The following GCA variants were observed in gnomAD, a reference collection of about 807,000 sequenced individuals.
The protein encoded by GCA is grancalcin.
In GCA, 30 loss-of-function variants were observed where a neutral mutation model predicts 32.6. The observed-to-expected ratio is 0.92, with a 90% confidence interval of 0.69 to 1.25. GCA has a LOEUF of 1.25. GCA is among the 50% of genes most tolerant of loss of function. The pLI is 0.00. For missense variants in GCA, 291 were observed against 266.8 expected, an observed-to-expected ratio of 1.09 and a Z score of -0.63; for synonymous variants, 102 against 84.6, an observed-to-expected ratio of 1.21 and a Z score of -1.13.
At chr2:162,331,456 C>T (rs1684080920) in intron 1 of GCA, among the ~76,000 whole-genome samples, 1 of 152,142 alleles carries the variant, frequency 6.6e-6, no homozygotes, top group Non-Finnish European at 1.5e-5. Context: ...AGATATCATC[C>T]CCAATGCAAC....
intron 1 of GCA, among the ~76,000 whole-genome samples, chr2:162,328,255 G>T (rs1478708307): frequency 6.6e-6 from 1 of 151,720 alleles, no homozygotes; most frequent in Non-Finnish European, 1.5e-5. Flanking sequence ...AGCCGAGAAT[G>T]GTGGCATGTG....
chr2:162,359,952 C>T (rs909105791), intron 7 of GCA, among the ~76,000 whole-genome samples: 1 of 151,062 alleles, frequency 6.6e-6, no homozygotes, highest in Non-Finnish European at 1.5e-5. Context: ...TTACTATTAA[C>T]CTGATATTCA....
rs1365944394 is a variant in GCA, at chr2:162,361,416, C to G, written c.*1173C>G. The stretch of plus-strand genomic sequence containing the variant: ...AAGATTTAATAAACCACTTATTTTT[C>G]TTATGCTTTAAATGTGTATTTTCTA... On this transcript the variant is annotated 3_prime_UTR_variant, in exon 8 of 8. Transcript: ENST00000437150. The G allele has an allele frequency of 1.0e-6, 1 of 979,166 alleles. No homozygotes were observed. The highest frequency in any genetic ancestry group is 1.2e-6 in the Non-Finnish European group (1 of 824,616). The allele number at this position is 979,166 out of a possible 1,614,324, so 60.7% of individuals were successfully genotyped here.
chr2:162,354,642 T>C (rs149245764), intron 3 of GCA, among the ~76,000 whole-genome samples: 4 of 152,314 alleles, frequency 2.6e-5, no homozygotes, highest in Non-Finnish European at 5.9e-5. Flanking sequence ...GCCAATTCTT[T>C]GGCATTTGGG....
chr2:162,328,239 A>T (rs1205515477), intron 1 of GCA, among the ~76,000 whole-genome samples: 3 of 151,522 alleles, frequency 2.0e-5, no homozygotes, highest in Non-Finnish European at 4.4e-5. Context: ...AAAAAAAAAA[A>T]AAATTAGCCG....
exon 1 of GCA, chr2:162,319,206 G>A (rs1438463638): frequency 2.2e-6 from 1 of 457,038 alleles, no homozygotes; most frequent in African/African-American, 2.0e-5. Flanking sequence ...ACACTAACTT[G>A]TTTCCCTGGG....
rs368636059 is a variant in GCA, at chr2:162,327,062, C to T, written c.-31+7837C>T. Among the ~76,000 whole-genome samples, 5 of 152,248 alleles carry T rather than the reference C, an allele frequency of 3.3e-5. No individual in the cohort carries two copies. In the South Asian group the frequency reaches 8.3e-4, roughly 25 times the overall value. ...TTGAGTTCCCTGGGCCTGTTTATTC[C>T]AGGAACCATGGCCTCCTTCTGTGGG... On this transcript the variant is annotated intron_variant, in intron 1 of 4. Coordinates refer to the GCA transcript ENST00000429691.
chr2:162,372,195 A>T, downstream of GCA: 1 of 992,602 alleles, frequency 1.0e-6, no homozygotes, highest in South Asian at 1.7e-5. Context: ...TTCCTCATTA[A>T]TCTATATTTG....
At chr2:162,333,476 T>C (rs1223300781) in intron 1 of GCA, among the ~76,000 whole-genome samples, 1 of 152,116 alleles carries the variant, frequency 6.6e-6, no homozygotes, top group Non-Finnish European at 1.5e-5. Context: ...TTAGCAGCTT[T>C]GGGGAGCTTG....
intron 3 of GCA, among the ~76,000 whole-genome samples, chr2:162,355,059 T>C (rs1333830172): frequency 6.6e-6 from 1 of 152,196 alleles, no homozygotes; most frequent in East Asian, 1.9e-4. Flanking sequence ...TAGATATTAT[T>C]TACTTGCCCA....
intron 5 of GCA, among the ~76,000 whole-genome samples, chr2:162,357,884 A>G (rs1685364117): frequency 1.3e-5 from 2 of 151,672 alleles, no homozygotes; most frequent in African/African-American, 2.4e-5. Context: ...CTTCATGTAT[A>G]TTTTAAAATA....
chr2:162,344,025 A>T (rs1411844972), upstream of GCA: 8 of 595,058 alleles, frequency 1.3e-5, no homozygotes, highest in Admixed American at 2.3e-4. Flanking sequence ...GAAGGGGCGG[A>T]CTGCAGCTGA....
In GCA at chr2:162,361,764, TTAAC is replaced by T; in HGVS notation, c.*1523_*1526del. On this transcript the variant is annotated 3_prime_UTR_variant, in exon 8 of 8. Coordinates refer to ENST00000437150, the MANE Select transcript of GCA (RefSeq NM_012198.5). ...ATATATTTGATAATGTGAGAGGACA[TTAAC>T]TGAGCTGGGAAATTAAAGAAACAGA... is the stretch of plus-strand genomic sequence containing the variant. 3 of 984,074 alleles carry T rather than the reference TTAAC, an allele frequency of 3.0e-6. No homozygotes were observed. Among genetic ancestry groups the T allele is most frequent in the Non-Finnish European group, 3.6e-6 (3 of 828,922 alleles). The allele number at this position is 984,074 out of a possible 1,614,324, so 61.0% of individuals were successfully genotyped here.
rs542687038 is a variant in GCA, at chr2:162,356,752, T to C, written c.307-6T>C. On this transcript the variant is annotated splice_polypyrimidine_tract_variant and splice_region_variant and intron_variant, in intron 4 of 7. Coordinates refer to ENST00000437150, the MANE Select transcript of GCA (RefSeq NM_012198.5). ...CAGAATTTATTTTTGTTAATAAAAC[T>C]ATCAGAGAGATCACACAGGAAAAAT... 6.3e-7 allele frequency: 1 copy of C among 1,594,414 alleles called. No individual in the cohort carries two copies. Among genetic ancestry groups the C allele is most frequent in the Non-Finnish European group, 8.6e-7 (1 of 1,166,722 alleles).
At position 162,328,939 on chromosome 2, in the gene GCA, C is replaced by T. The variant is rs540434069; in HGVS notation, c.-31+9714C>T. Among the ~76,000 whole-genome samples the T allele has an allele frequency of 1.2e-4, 18 of 152,268 alleles. No homozygotes were observed. In the East Asian group the frequency reaches 3.1e-3, roughly 26 times the overall value. The stretch of plus-strand genomic sequence containing the variant: ...GTGGCCTGGGCTCTCCACTGACTAT[C>T]CCAGCCAAACTCCGCATCATTCTGC... On this transcript the variant is annotated intron_variant, in intron 1 of 4. Coordinates refer to the GCA transcript ENST00000429691.
upstream of GCA, among the ~76,000 whole-genome samples, chr2:162,342,801 C>A (rs773446225): frequency 2.6e-5 from 4 of 152,184 alleles, no homozygotes; most frequent in Non-Finnish European, 5.9e-5. Flanking sequence ...GTAGTTAATC[C>A]GTTGGAATAA....
chr2:162,347,696 C>T lies in GCA; in HGVS notation c.146C>T (p.Ser49Leu). The change falls in exon 2 of 8, where the codon TCA (serine) becomes TTA (leucine). Residue 49 changes from serine (S) to leucine (L), a missense_variant. Physicochemically the swap from Ser to Leu is moderately radical, Grantham distance 145 (BLOSUM62 -2). Coordinates refer to ENST00000437150, the MANE Select transcript of GCA (RefSeq NM_012198.5). ...CCAGCATATTCAGACACTTATTCCT[C>T]AGCTGGTGACTCCGTGTATACTTAC... is the stretch of plus-strand genomic sequence containing the variant. ...SGPAYSDTYS[S>L]AGDSVYTYFS... 6.2e-7 allele frequency: 1 copy of T among 1,606,492 alleles called. No individual in the cohort carries two copies. The highest frequency in any genetic ancestry group is 1.3e-5 in the African/African-American group (1 of 74,888).
At position 162,330,129 on chromosome 2, in the gene GCA, GAATGCATGC is replaced by G. The variant is rs566283300; in HGVS notation, c.-31+10906_-31+10914del. On this transcript the variant is annotated intron_variant, in intron 1 of 4. Transcript: ENST00000429691. The stretch of plus-strand genomic sequence containing the variant: ...TTGCTATTGTGAATAGTGCTGCAAT[GAATGCATGC>G]ACACAGGTGTCTTTACAATAGAACA... 1.3e-3 allele frequency among the ~76,000 whole-genome samples: 203 copies of G among 152,282 alleles called. 1 individual carries two copies. The highest frequency in any genetic ancestry group is 4.6e-3 in the African/African-American group (192 of 41,552).
At chr2:162,370,183 A>G (rs996942678) in intron 4 of GCA, among the ~76,000 whole-genome samples, 2 of 152,188 alleles carry the variant, frequency 1.3e-5, no homozygotes, top group Non-Finnish European at 2.9e-5. Context: ...TTTGAAGCTG[A>G]TTAACAGATC....
Sources: allele counts gnomAD v4.1 joint callset (sites outside exome capture counted in the v4.1 genomes callset), GRCh38; gene constraint gnomAD v4.1.1; transcripts MANE v1.5; gene names NCBI Gene and HGNC (gene_info 2026-07-23, HGNC 2026-07-21).